The following FBXO22 variants were observed in gnomAD, a reference collection of about 807,000 sequenced individuals.
The protein encoded by FBXO22 is F-box only protein 22.
A neutral mutation model predicts 37.2 loss-of-function variants in FBXO22; 13 were observed. The observed-to-expected ratio is 0.35, with a 90% CI of 0.23 to 0.56. The LOEUF is 0.56. Ranked by LOEUF, FBXO22 falls within the 20% of genes least tolerant of loss-of-function variation. The pLI is 0.87. For missense variants in FBXO22, 446 were observed against 509.9 expected, an observed-to-expected ratio of 0.87 and a Z score of 1.21; for synonymous variants, 189 against 189.1, an observed-to-expected ratio of 1.00 and a Z score of 0.00.
At chr15:75,929,322 ATTT>A (rs397776614) in intron 5 of FBXO22, among the ~76,000 whole-genome samples, 3 of 150,444 alleles carry the variant, frequency 2.0e-5, no homozygotes, top group African/African-American at 7.4e-5. Flanking sequence ...AAAAAAAAAA[ATTT>A]TTTTTAAAGA....
At chr15:75,915,899 CAAAA>C (rs1177802395) in intron 4 of FBXO22, among the ~76,000 whole-genome samples, 32 of 109,390 alleles carry the variant, frequency 2.9e-4, no homozygotes, top group Non-Finnish European at 5.3e-4. Context: ...GACTCTGTCT[CAAAA>C]AAAAAAAAAA....
intron 2 of FBXO22, among the ~76,000 whole-genome samples, chr15:75,906,203 G>C (rs1014359805): frequency 1.3e-5 from 2 of 152,020 alleles, no homozygotes; most frequent in African/African-American, 4.8e-5. Flanking sequence ...GATGTTCTAA[G>C]CTTGTCTTGG....
Position 75,932,732 on chromosome 15 carries a change from G to T in FBXO22, c.842G>T (p.Ser281Ile), listed in dbSNP as rs2030091262. ...DASGVVGLSF[S>I]GHRIQSATVL... Reference sequence around the variant, plus strand: ...TCGGGTGTGGTTGGACTGTCATTTAGTGGACACCGAATCCAGAGTGCCACT... The same window carrying T: ...TCGGGTGTGGTTGGACTGTCATTTATTGGACACCGAATCCAGAGTGCCACT... The change falls in exon 7 of 7, where the codon AGT becomes ATT. Residue 281 changes from serine to isoleucine, a missense_variant. Physicochemically the swap from Ser to Ile is moderately radical, Grantham distance 142 (BLOSUM62 -2). This residue lies in a region of FBXO22 where 315 missense variants were observed against 410.1 expected (regional missense o/e 0.77). Coordinates refer to ENST00000308275, the MANE Select transcript of FBXO22 (RefSeq NM_147188.3). 1 of 1,614,030 alleles carries T rather than the reference G, an allele frequency of 6.2e-7. No individual in the cohort carries two copies. Among genetic ancestry groups the T allele is most frequent in the Non-Finnish European group, 8.5e-7 (1 of 1,179,956 alleles).
At chr15:75,930,754 C>T in intron 6 of FBXO22, 1 of 985,382 alleles carries the variant, frequency 1.0e-6, no homozygotes, top group Non-Finnish European at 1.2e-6. Context: ...TTGTTTCCAG[C>T]AGGAAAATCA....
In FBXO22 at chr15:75,932,701, G is replaced by C. The variant is rs202137178; in HGVS notation, c.811G>C (p.Asp271His). Residue 271 changes from aspartate (D) to histidine (H), a missense_variant, in exon 7 of 7, where the codon GAT becomes CAT. Physicochemically the swap from Asp to His is moderately conservative, Grantham distance 81. This residue lies in a region of FBXO22 where 315 missense variants were observed against 410.1 expected (regional missense o/e 0.77). Coordinates refer to ENST00000308275, the MANE Select transcript of FBXO22 (RefSeq NM_147188.3). ...ATTTTCCAGGAACCCTCTGGATATT[G>C]ATGCCTCGGGTGTGGTTGGACTGTC... ...LTSEKNPLDI[D>H]ASGVVGLSFS... is the part of the protein sequence containing the mutation. The C allele has an allele frequency of 8.0e-5, 128 of 1,593,924 alleles. No homozygotes were observed. In the Middle Eastern group the frequency reaches 1.5e-3, roughly 19 times the overall value.
intron 5 of FBXO22, among the ~76,000 whole-genome samples, chr15:75,918,948 C>T (rs1490195270): frequency 3.3e-5 from 5 of 152,098 alleles, no homozygotes; most frequent in African/African-American, 1.2e-4. Flanking sequence ...TAGTCAGTGA[C>T]CATATATTCT....
chr15:75,909,001 T>C (rs1899989758), intron 2 of FBXO22, among the ~76,000 whole-genome samples: 1 of 152,222 alleles, frequency 6.6e-6, no homozygotes, highest in East Asian at 1.9e-4. Context: ...GACCAACTTT[T>C]TTTTTCCATT....
At chr15:75,920,524 T>C (rs984452124) in intron 5 of FBXO22, among the ~76,000 whole-genome samples, 6 of 152,196 alleles carry the variant, frequency 3.9e-5, no homozygotes, top group Non-Finnish European at 8.8e-5. Flanking sequence ...GTAGAACTCC[T>C]ACATTAATTT....
rs1305604029 is a variant in FBXO22 at position 75,932,930 on chromosome 15, A to G, written c.1040A>G (p.Lys347Arg). Residue 347 changes from lysine (K) to arginine (R), a missense_variant, in exon 7 of 7, where the codon AAG becomes AGG. Around this residue, in one of 2 missense-constraint regions of FBXO22, gnomAD observed 315 missense variants for 410.1 expected, o/e 0.77. Coordinates refer to ENST00000308275, the MANE Select transcript of FBXO22 (RefSeq NM_147188.3). The stretch of plus-strand genomic sequence containing the variant: ...AATGTTGAGGCTGATGCATTTAGAA[A>G]GTTTTTTCCTAGTGTTCCCTTATTC... ...KGNVEADAFR[K>R]FFPSVPLFGF... 6.2e-7 allele frequency: 1 copy of G among 1,614,250 alleles called. No individual in the cohort carries two copies.
chr15:75,936,153 T>G lies in FBXO22; in HGVS notation c.*3051T>G, dbSNP rs1448129925. On this transcript the variant is annotated 3_prime_UTR_variant, in exon 7 of 7. Transcript: ENST00000308275. ...AGAATATAAATATGCTTTTGTCATT[T>G]TATACCCAGTCTGGCCCAGGTTTGC... is the stretch of plus-strand genomic sequence containing the variant. 6.6e-6 allele frequency: 1 copy of G among 152,214 alleles called. No homozygotes were observed. The highest frequency in any genetic ancestry group is 6.5e-5 in the Admixed American group (1 of 15,276). The allele number at this position is 152,214 out of a possible 1,614,324, so 9.4% of individuals were successfully genotyped here. A position where few individuals can be genotyped will look rare whatever the true frequency, so the allele number is the denominator to read the frequency against.
At chr15:75,906,850 A>T (rs1048399855) in intron 2 of FBXO22, among the ~76,000 whole-genome samples, 14 of 152,350 alleles carry the variant, frequency 9.2e-5, no homozygotes, top group African/African-American at 3.4e-4. Flanking sequence ...ATAATAAGGG[A>T]TACTAAAAAC....
chr15:75,906,432 A>G (rs1022995953), intron 2 of FBXO22, among the ~76,000 whole-genome samples: 2 of 152,140 alleles, frequency 1.3e-5, no homozygotes, highest in African/African-American at 4.8e-5. Flanking sequence ...CACATTTACA[A>G]TTATATTTCT....
rs896696957 is a variant in FBXO22, at chr15:75,938,719, A to C, written c.*5617A>C. ...GGGATCACTGAAAGCAGAAACAACA[A>C]ATCAAGCCTACATAGTTTTAAAAGA... On this transcript the variant is annotated 3_prime_UTR_variant, in exon 7 of 7. Coordinates refer to ENST00000308275, the MANE Select transcript of FBXO22 (RefSeq NM_147188.3). The C allele has an allele frequency of 7.2e-5, 11 of 152,232 alleles. No homozygotes were observed. Among genetic ancestry groups the C allele is most frequent in the African/African-American group, 2.2e-4 (9 of 41,458 alleles). The allele number at this position is 152,232 out of a possible 1,614,324, so 9.4% of individuals were successfully genotyped here.
chr15:75,908,163 T>C (rs1899969852), intron 2 of FBXO22, among the ~76,000 whole-genome samples: 1 of 152,162 alleles, frequency 6.6e-6, no homozygotes, highest in African/African-American at 2.4e-5. Flanking sequence ...GGACCAGACT[T>C]TTAATACTTG....
In FBXO22 at chr15:75,904,589, A is replaced by T; in HGVS notation, c.239A>T (p.Glu80Val). 6.2e-7 allele frequency: 1 copy of T among 1,613,176 alleles called. No individual in the cohort carries two copies. Among genetic ancestry groups the T allele is most frequent in the Non-Finnish European group, 8.5e-7 (1 of 1,179,456 alleles). The change falls in exon 2 of 7, where the codon GAG (glutamate) becomes GTG (valine). Residue 80 changes from glutamate (E) to valine (V), a missense_variant. Coordinates refer to ENST00000308275, the MANE Select transcript of FBXO22 (RefSeq NM_147188.3). ...GGCCTGGCGGAGGCCGGCCACCTGG[A>T]GGGGCATTGCTTGGTTCGCGTGGTA... Reference protein sequence around the residue: ...SAGLAEAGHLEGHCLVRVVAE... With the variant: ...SAGLAEAGHLVGHCLVRVVAE...
intron 2 of FBXO22, among the ~76,000 whole-genome samples, chr15:75,906,451 G>A (rs1567050700): frequency 6.6e-6 from 1 of 152,068 alleles, no homozygotes; most frequent in East Asian, 1.9e-4. Context: ...CTATATATAT[G>A]TGGAGGCTCA....
In FBXO22 at chr15:75,939,767, C is replaced by T. The variant is rs1024928629; in HGVS notation, c.*6665C>T. ...AATATAATATACTACATTAACAGAACGAAGCGAGAACCAGATGATCATCTC... is the reference window on the plus strand; with the variant it reads ...AATATAATATACTACATTAACAGAATGAAGCGAGAACCAGATGATCATCTC... On this transcript the variant is annotated 3_prime_UTR_variant, in exon 7 of 7. Transcript: ENST00000308275. 4 of 152,030 alleles carry T rather than the reference C, an allele frequency of 2.6e-5. No individual in the cohort carries two copies. Among genetic ancestry groups the T allele is most frequent in the Non-Finnish European group, 4.4e-5 (3 of 67,956 alleles). 9.4% of individuals were successfully genotyped at this position (152,030 alleles called of 1,614,324 possible).
chr15:75,904,458 C>G (rs762572053), intron 1 of FBXO22, 33 bp from the exon 2 acceptor site: 1 of 1,612,850 alleles, frequency 6.2e-7, no homozygotes, highest in Non-Finnish European at 8.5e-7. Context: ...AATGAACGTC[C>G]GTTCGCAATC....
chr15:75,906,804 C>T (rs773066896), intron 2 of FBXO22, among the ~76,000 whole-genome samples: 3 of 152,156 alleles, frequency 2.0e-5, no homozygotes, highest in Non-Finnish European at 4.4e-5. Context: ...AAAATGCAAG[C>T]AGATTTCCTC....
Sources: allele counts gnomAD v4.1 joint callset (sites outside exome capture counted in the v4.1 genomes callset), GRCh38; gene constraint gnomAD v4.1.1; regional missense constraint gnomAD v4.1.1; transcripts MANE v1.5; gene names NCBI Gene and HGNC (gene_info 2026-07-23, HGNC 2026-07-21).